LMO2: variants seen among roughly 807,000 people sequenced by gnomAD.
LMO2 encodes LIM domain only 2.
A neutral mutation model predicts 23.2 loss-of-function variants in LMO2; 20 were observed. The observed-to-expected ratio is 0.86, with a 90% confidence interval of 0.61 to 1.25. The LOEUF is 1.25. LMO2 is among the 50% of genes most tolerant of loss of function. The pLI is 0.00. For synonymous variants in LMO2, 123 were observed against 130.2 expected (o/e 0.94, Z 0.38); for missense variants, 270 against 315.3 (o/e 0.86, Z 1.09).
rs749037272 is a variant in LMO2 at position 33,869,677 on chromosome 11, G to A, written c.7+33C>T. 12 of 1,265,128 alleles carry A rather than the reference G, an allele frequency of 9.5e-6. 1 individual carries two copies. The highest frequency in any genetic ancestry group is 1.2e-5 in the Non-Finnish European group (12 of 992,350). 78.4% of individuals were successfully genotyped at this position (1,265,128 alleles called of 1,614,324 possible). A position where few individuals can be genotyped will look rare whatever the true frequency, so the allele number is the denominator to read the frequency against. The stretch of plus-strand genomic sequence containing the variant: ...CGGGGCGCGCAGCCTGGCTCCAGGC[G>A]GCTGCAGCTGCTGCTGCTGCTCAGG... On this transcript the variant is annotated intron_variant, in intron 3 of 5. Transcript: ENST00000257818.
chr11:33,869,876 G>A lies in LMO2; in HGVS notation c.-160C>T. Reference sequence around the variant, plus strand: ...TCGCCGCCGAGGGCAGAGAGGGGGCGGCGGCCTAGGGGCGGGGAGGGGACC... The same window carrying A: ...TCGCCGCCGAGGGCAGAGAGGGGGCAGCGGCCTAGGGGCGGGGAGGGGACC... On this transcript the variant is annotated 5_prime_UTR_variant, in exon 3 of 6. Transcript: ENST00000257818. 1.9e-6 allele frequency: 2 copies of A among 1,051,580 alleles called. No individual in the cohort carries two copies. Among genetic ancestry groups the A allele is most frequent in the Non-Finnish European group, 2.3e-6 (2 of 872,876 alleles). 65.1% of individuals were successfully genotyped at this position (1,051,580 alleles called of 1,614,324 possible).
chr11:33,872,225 A>C (rs1857041440), intron 2 of LMO2, among the ~76,000 whole-genome samples: 1 of 152,204 alleles, frequency 6.6e-6, no homozygotes, highest in Non-Finnish European at 1.5e-5. Flanking sequence ...CAGGAGGCAG[A>C]GGTTGCAGTG....
At chr11:33,860,621 G>C (rs762188547) in intron 5 of LMO2, among the ~76,000 whole-genome samples, 2 of 152,018 alleles carry the variant, frequency 1.3e-5, no homozygotes, top group Non-Finnish European at 2.9e-5. Flanking sequence ...AAAATTAGCC[G>C]GGTGCGGTGG....
chr11:33,885,157 A>G (rs1048789834), intron 1 of LMO2, among the ~76,000 whole-genome samples: 1 of 152,160 alleles, frequency 6.6e-6, no homozygotes. Context: ...AGGTGAGTTT[A>G]GGTATTTGGG....
At chr11:33,886,704 G>A (rs1418859445) in intron 1 of LMO2, among the ~76,000 whole-genome samples, 1 of 152,206 alleles carries the variant, frequency 6.6e-6, no homozygotes, top group African/African-American at 2.4e-5. Context: ...TGGCATCCGT[G>A]GTGGGGAATA....
intron 1 of LMO2, among the ~76,000 whole-genome samples, chr11:33,891,068 G>A (rs1380062000): frequency 1.3e-5 from 2 of 152,192 alleles, no homozygotes; most frequent in African/African-American, 2.4e-5. Flanking sequence ...AAGAGAAGAC[G>A]TGTAAAACCC....
chr11:33,877,956 A>G (rs911798934), intron 2 of LMO2, among the ~76,000 whole-genome samples: 1 of 151,962 alleles, frequency 6.6e-6, no homozygotes. Flanking sequence ...TTTTACTGCC[A>G]CACTAACTGA....
chr11:33,868,063 G>C (rs758595925), intron 4 of LMO2, among the ~76,000 whole-genome samples: 1 of 152,138 alleles, frequency 6.6e-6, no homozygotes, highest in Non-Finnish European at 1.5e-5. Context: ...AGGAAGTGGG[G>C]GTTTTTGTTA....
At chr11:33,890,793 T>C (rs529749109) in intron 1 of LMO2, among the ~76,000 whole-genome samples, 60 of 152,338 alleles carry the variant, frequency 3.9e-4, no homozygotes, top group African/African-American at 1.4e-3. Flanking sequence ...TTTATTTCTA[T>C]TATTTCTCAC....
intron 1 of LMO2, among the ~76,000 whole-genome samples, chr11:33,887,470 T>A (rs1269122902): frequency 6.6e-6 from 1 of 152,068 alleles, no homozygotes; most frequent in Non-Finnish European, 1.5e-5. Context: ...TAGCAGTTGA[T>A]TATGGGTGGG....
chr11:33,875,379 A>C (rs545261409), intron 2 of LMO2, among the ~76,000 whole-genome samples: 2 of 152,154 alleles, frequency 1.3e-5, no homozygotes, highest in African/African-American at 4.8e-5. Context: ...GGAGTTCGAG[A>C]CCAGCCTGGC....
At chr11:33,870,063 TTTC>T in intron 2 of LMO2, 76 bp from the exon 3 acceptor site, 2 of 541,350 alleles carry the variant, frequency 3.7e-6, no homozygotes, top group Non-Finnish European at 4.7e-6. Context: ...CCTCCCCTTT[TTTC>T]TTCCTTTTTT....
chr11:33,869,274 G>C, intron 4 of LMO2, 72 bp downstream of exon 4: 1 of 1,097,632 alleles, frequency 9.1e-7, no homozygotes. Context: ...CGGGCCGCCC[G>C]GGTCCCCCCG....
chr11:33,860,192 C>T (rs952480488), intron 5 of LMO2, among the ~76,000 whole-genome samples: 26 of 152,186 alleles, frequency 1.7e-4, no homozygotes, highest in African/African-American at 5.5e-4. Flanking sequence ...TGCAGCTAAT[C>T]GTGCCTCTGA....
chr11:33,887,044 AT>A (rs1458572127), intron 1 of LMO2, among the ~76,000 whole-genome samples: 1 of 152,242 alleles, frequency 6.6e-6, no homozygotes, highest in Non-Finnish European at 1.5e-5. Flanking sequence ...GGAATGAAGG[AT>A]CAGAGGAGCA....
Position 33,859,359 on chromosome 11 carries a change from T to C in LMO2, c.681A>G (p.Ile227Met). ...AAAGATGCCCGGGGACTCGGGCCTA[T>C]ATCATCCCATTGATCTTAGTCCACT... ...IYEWTKINGM[I>M] Residue 227 changes from isoleucine to methionine, a missense_variant, in exon 6 of 6, where the codon ATA (isoleucine) becomes ATG (methionine). By Grantham distance (10) the Ile-to-Met change is conservative (BLOSUM62 1). Coordinates refer to ENST00000257818, the MANE Select transcript of LMO2 (RefSeq NM_005574.4). The C allele has an allele frequency of 1.2e-6, 2 of 1,613,010 alleles. No individual in the cohort carries two copies. The highest frequency in any genetic ancestry group is 8.5e-7 in the Non-Finnish European group (1 of 1,179,004).
At chr11:33,871,711 C>G (rs1361089580) in intron 2 of LMO2, among the ~76,000 whole-genome samples, 1 of 150,136 alleles carries the variant, frequency 6.7e-6, no homozygotes, top group Admixed American at 6.6e-5. Context: ...TCATTTCTAA[C>G]AGAAATGAAA....
Position 33,869,837 on chromosome 11 carries a change from T to G in LMO2, c.-121A>C. 3.7e-6 allele frequency: 4 copies of G among 1,067,700 alleles called. No individual in the cohort carries two copies. Among genetic ancestry groups the G allele is most frequent in the South Asian group, 4.5e-5 (1 of 22,342 alleles). The allele number at this position is 1,067,700 out of a possible 1,614,324, so 66.1% of individuals were successfully genotyped here. A position where few individuals can be genotyped will look rare whatever the true frequency, so the allele number is the denominator to read the frequency against. ...GAGCCCCTCGCACCTTCGGCCCGGG[T>G]CGCGGCGCGCTGCTCGCCGCCGAGG... On this transcript the variant is annotated 5_prime_UTR_variant, in exon 3 of 6. Coordinates refer to ENST00000257818, the MANE Select transcript of LMO2 (RefSeq NM_005574.4).
intron 2 of LMO2, chr11:33,870,909 T>C (rs1283377843): frequency 4.3e-6 from 1 of 231,128 alleles, no homozygotes; most frequent in East Asian, 1.8e-4. Flanking sequence ...GGGAGGCTAG[T>C]AGTTTGCCCT....
Sources: gnomAD v4.1 joint callset for allele counts (sites outside exome capture counted in the v4.1 genomes callset) on GRCh38, gnomAD v4.1.1 for gene constraint, MANE v1.5 for transcripts, NCBI Gene and HGNC (gene_info 2026-07-23, HGNC 2026-07-21) for gene names.